TTLL7: variants seen among roughly 807,000 people sequenced by gnomAD.
The protein encoded by TTLL7 is tubulin polyglutamylase TTLL7.
Under a neutral mutation model 120.2 loss-of-function variants are expected in TTLL7, and 53 were observed. The ratio of observed to expected loss-of-function variants is 0.44; its 90% CI spans 0.35 to 0.55. The LOEUF (loss-of-function observed/expected upper bound fraction) is 0.55. Ranked by LOEUF, TTLL7 falls within the 20% of genes least tolerant of loss-of-function variation. TTLL7 has a pLI of 0.00. For synonymous variants in TTLL7, 353 were observed against 351.7 expected, an observed-to-expected ratio of 1.00 and a Z score of -0.04; for missense variants, 803 against 1,054.7, an observed-to-expected ratio of 0.76 and a Z score of 3.31.
intron 13 of TTLL7, among the ~76,000 whole-genome samples, chr1:83,918,138 T>C (rs1025276749): frequency 6.6e-6 from 1 of 152,140 alleles, no homozygotes; most frequent in African/African-American, 2.4e-5. Context: ...TTAGAAACAT[T>C]CTAATGTGAG....
rs1657318238 is a variant in TTLL7 at position 83,907,665 on chromosome 1, TCAGTGATGGAGAAGAG to T, written c.1787-20_1787-5del. ...CTGACTGAACGTCTTATGGAGCCTA[TCAGTGATGGAGAAGAG>T]GGATACTACAGTAGCAGTATTAATA... On this transcript the variant is annotated splice_polypyrimidine_tract_variant and splice_region_variant and intron_variant, in intron 15 of 20. Coordinates refer to ENST00000260505, the MANE Select transcript of TTLL7 (RefSeq NM_024686.6). 1 of 1,611,664 alleles carries T rather than the reference TCAGTGATGGAGAAGAG, an allele frequency of 6.2e-7. No individual in the cohort carries two copies. The highest frequency in any genetic ancestry group is 8.5e-7 in the Non-Finnish European group (1 of 1,178,812).
intron 18 of TTLL7, among the ~76,000 whole-genome samples, chr1:83,892,393 A>AATATATATGAAT (rs1557563164): frequency 9.1e-5 from 3 of 33,002 alleles, no homozygotes; most frequent in African/African-American, 1.3e-4. Flanking sequence ...TATATATACG[A>AATATATATGAAT]ATATATATGA....
In TTLL7 at chr1:83,999,072, G is replaced by T. The variant is rs866686711; in HGVS notation, c.-318C>A. 1 of 445,328 alleles carries T rather than the reference G, an allele frequency of 2.2e-6. No individual in the cohort carries two copies. The highest frequency in any genetic ancestry group is 4.5e-6 in the Non-Finnish European group (1 of 223,856). The allele number at this position is 445,328 out of a possible 1,614,324, so 27.6% of individuals were successfully genotyped here. A position where few individuals can be genotyped will look rare whatever the true frequency, so the allele number is the denominator to read the frequency against. On this transcript the variant is annotated 5_prime_UTR_variant, in exon 1 of 21. Transcript: ENST00000260505. ...GGTGGTCCGGTGCTCTCCTCCGCCC[G>T]CCCACCGCCCGTGGCAGCCACGGCT...
intron 20 of TTLL7, among the ~76,000 whole-genome samples, chr1:83,877,991 T>C (rs1654082800): frequency 6.6e-6 from 1 of 151,948 alleles, no homozygotes; most frequent in South Asian, 2.1e-4. Context: ...GATTTAGCCA[T>C]ATTCTACAAG....
rs1175926649 is a variant in TTLL7 at position 83,880,953 on chromosome 1, C to T, written c.2543+2010G>A. ...ATAATGCCGCATATCTACAACTATC[C>T]GATCTTTGAGAAACCTGAGAAAAAT... On this transcript the variant is annotated intron_variant, in intron 20 of 20. Transcript: ENST00000260505. Among the ~76,000 whole-genome samples the T allele has an allele frequency of 9.2e-5, 14 of 151,632 alleles. No homozygotes were observed. In the East Asian group the frequency reaches 1.7e-3, roughly 19 times the overall value.
At chr1:83,892,942 G>GA (rs1395688995) in intron 18 of TTLL7, among the ~76,000 whole-genome samples, 17 of 92,542 alleles carry the variant, frequency 1.8e-4, no homozygotes, top group African/African-American at 1.1e-3. Context: ...AAGAAAGAAA[G>GA]AAAGAAAGAA....
At chr1:83,917,423 C>T (rs552126592) in intron 14 of TTLL7, among the ~76,000 whole-genome samples, 181 bp downstream of exon 14, 1 of 152,218 alleles carries the variant, frequency 6.6e-6, no homozygotes, top group South Asian at 2.1e-4. Context: ...ACGAATGAAA[C>T]TAATAAAACA....
rs906995535 is a variant in TTLL7, at chr1:83,907,772, TA to T, written c.1787-112del. ...ATAGCAGCTAGTAGTAAAGTAGCAATAAATGTCAAAGCATAGGCATCATCAT... is the reference window on the plus strand; with the variant it reads ...ATAGCAGCTAGTAGTAAAGTAGCAATAATGTCAAAGCATAGGCATCATCAT... On this transcript the variant is annotated intron_variant, in intron 15 of 20. Transcript: ENST00000260505. 6.1e-5 allele frequency: 58 copies of T among 951,622 alleles called. No individual in the cohort carries two copies. The East Asian group carries it at 1.1e-3, about 18-fold the overall frequency. The allele number at this position is 951,622 out of a possible 1,614,324, so 58.9% of individuals were successfully genotyped here. A position where few individuals can be genotyped will look rare whatever the true frequency, so the allele number is the denominator to read the frequency against.
At chr1:83,905,862 T>C (rs988739160) in intron 17 of TTLL7, among the ~76,000 whole-genome samples, 1 of 151,946 alleles carries the variant, frequency 6.6e-6, no homozygotes, top group Admixed American at 6.6e-5. Flanking sequence ...CAGCTCAGCA[T>C]AAGTCATTTC....
At chr1:83,982,499 C>G (rs940847008) in intron 1 of TTLL7, among the ~76,000 whole-genome samples, 5 of 152,112 alleles carry the variant, frequency 3.3e-5, no homozygotes, top group African/African-American at 9.7e-5. Context: ...CTTTTCTATA[C>G]ACCAATATTG....
intron 13 of TTLL7, among the ~76,000 whole-genome samples, chr1:83,918,518 A>G (rs1327743331): frequency 2.6e-5 from 4 of 152,158 alleles, no homozygotes; most frequent in Admixed American, 2.0e-4. Flanking sequence ...CTTTGTCCCA[A>G]TCTAAGGAAA....
chr1:83,919,259 AGTGT>A (rs111745254), intron 13 of TTLL7, among the ~76,000 whole-genome samples: 1,553 of 146,986 alleles, frequency 0.011, 19 homozygotes, highest in African/African-American at 0.029. Flanking sequence ...TACAGATTAG[AGTGT>A]GTGTGTGTGT....
At chr1:83,950,052 A>G in intron 3 of TTLL7, 66 bp from the exon 4 acceptor site, 1 of 1,365,166 alleles carries the variant, frequency 7.3e-7, no homozygotes, top group Non-Finnish European at 1.0e-6. Context: ...TTGCAGAAAC[A>G]TTTTTCTATC....
chr1:83,919,479 CA>C (rs1264448514), intron 13 of TTLL7, among the ~76,000 whole-genome samples: 3 of 152,032 alleles, frequency 2.0e-5, no homozygotes, highest in Non-Finnish European at 4.4e-5. Context: ...GATATTACAA[CA>C]TAATATCACA....
intron 6 of TTLL7, among the ~76,000 whole-genome samples, chr1:83,946,840 G>A (rs1261207008): frequency 1.3e-5 from 2 of 151,392 alleles, no homozygotes; most frequent in Non-Finnish European, 2.9e-5. Flanking sequence ...TGAGTTTTAT[G>A]TTTTAGAAAA....
chr1:83,978,899 C>T lies in TTLL7; in HGVS notation c.-177+20032G>A, dbSNP rs536712108. Among the ~76,000 whole-genome samples the T allele has an allele frequency of 7.5e-4, 114 of 152,210 alleles. 1 individual carries two copies. The highest frequency in any genetic ancestry group is 6.8e-3 in the Middle Eastern group (2 of 294). ...AAATAAACTTGACTCTGAACTGATT[C>T]TTAATTTATTCATTAATTCAACACA... On this transcript the variant is annotated intron_variant, in intron 1 of 20. Transcript: ENST00000260505.
At chr1:83,892,928 G>GAGAAAGAAAGAAAGAAAGAAAGAAA (rs1655871041) in intron 18 of TTLL7, among the ~76,000 whole-genome samples, 1 of 102,668 alleles carries the variant, frequency 9.7e-6, no homozygotes, top group African/African-American at 5.7e-5. Context: ...GAAAGAAAAA[G>GAGAAAGAAAGAAAGAAAGAAAGAAA]AGAAAGAAAG....
chr1:83,971,831 A>G (rs1651015757), intron 1 of TTLL7, among the ~76,000 whole-genome samples: 1 of 152,078 alleles, frequency 6.6e-6, no homozygotes, highest in South Asian at 2.1e-4. Context: ...CCATCTTAAT[A>G]ATAGAATGTA....
rs992685427 is a variant in TTLL7, at chr1:83,921,012, C to A, written c.1364+75G>T. ...AAGAAAAATGCTTAAAATAAGCACA[C>A]AAGATTAAAACATGAAGAATCATTG... On this transcript the variant is annotated intron_variant, in intron 12 of 20. Transcript: ENST00000260505. 12 of 1,455,916 alleles carry A rather than the reference C, an allele frequency of 8.2e-6. No homozygotes were observed. The African/African-American group carries it at 1.3e-4, about 16-fold the overall frequency. 90.2% of individuals were successfully genotyped at this position (1,455,916 alleles called of 1,614,324 possible).
Sources: gnomAD v4.1 joint callset for allele counts (sites outside exome capture counted in the v4.1 genomes callset) on GRCh38, gnomAD v4.1.1 for gene constraint, MANE v1.5 for transcripts, NCBI Gene and HGNC (gene_info 2026-07-23, HGNC 2026-07-21) for gene names.